TMEM71: variants seen among roughly 807,000 people sequenced by gnomAD.
TMEM71 encodes transmembrane protein 71.
TMEM71 carries 44 observed loss-of-function variants against 38.0 expected under a neutral mutation model. The observed-to-expected ratio is 1.16, with a 90% CI of 0.91 to 1.49. The LOEUF (loss-of-function observed/expected upper bound fraction) is 1.49, where lower values mean the gene tolerates loss of function less well. Ranked by LOEUF, TMEM71 falls within the 40% of genes most tolerant of loss-of-function variation. The pLI is 0.00. For missense variants in TMEM71, 367 were observed against 348.6 expected (o/e 1.05, Z -0.42); for synonymous variants, 133 against 122.5 (o/e 1.09, Z -0.56).
chr8:132,733,404 T>C (rs1827569622), intron 5 of TMEM71, among the ~76,000 whole-genome samples: 1 of 152,158 alleles, frequency 6.6e-6, no homozygotes, highest in Non-Finnish European at 1.5e-5. Flanking sequence ...AGTGGGTCAG[T>C]ATTTGCCACC....
At chr8:132,712,635 C>A (rs992981118) in intron 9 of TMEM71, among the ~76,000 whole-genome samples, 1 of 152,100 alleles carries the variant, frequency 6.6e-6, no homozygotes, top group Non-Finnish European at 1.5e-5. Flanking sequence ...CAGCCACATG[C>A]TGGGGCATTC....
intron 7 of TMEM71, among the ~76,000 whole-genome samples, chr8:132,715,092 T>C (rs1344330514): frequency 6.6e-6 from 1 of 151,894 alleles, no homozygotes; most frequent in African/African-American, 2.4e-5. Context: ...CAACAGAAAC[T>C]CTCATTCATT....
chr8:132,730,053 G>A (rs538009277), intron 5 of TMEM71, among the ~76,000 whole-genome samples: 1 of 152,118 alleles, frequency 6.6e-6, no homozygotes, highest in East Asian at 1.9e-4. Context: ...CCACCTCCTG[G>A]GTTCAGGCGA....
At chr8:132,737,225 A>G (rs920688323) in intron 5 of TMEM71, among the ~76,000 whole-genome samples, 1 of 152,208 alleles carries the variant, frequency 6.6e-6, no homozygotes, top group Non-Finnish European at 1.5e-5. Flanking sequence ...GCTGAATTGT[A>G]TACGTTAAGT....
At chr8:132,766,600 G>A in the TMEM71 span, among the ~76,000 whole-genome samples, 1 of 152,026 alleles carries the variant, frequency 6.6e-6, no homozygotes, top group Non-Finnish European at 1.5e-5. Context: ...AGGAGTTCAA[G>A]ACCAGCTTGG....
At chr8:132,714,244 C>A (rs1347062398) in intron 7 of TMEM71, 29 bp from the exon 8 acceptor site, 1 of 1,562,468 alleles carries the variant, frequency 6.4e-7, no homozygotes, top group Non-Finnish European at 8.8e-7. Context: ...TCTGATTTAG[C>A]ATACTAATTG....
the TMEM71 span, among the ~76,000 whole-genome samples, chr8:132,771,236 A>G: frequency 1.3e-5 from 2 of 152,202 alleles, no homozygotes; most frequent in Non-Finnish European, 2.9e-5. Flanking sequence ...GGAACTGTCC[A>G]GGATCCACCT....
At chr8:132,775,441 G>A in the TMEM71 span, 1 of 385,638 alleles carries the variant, frequency 2.6e-6, no homozygotes, top group East Asian at 3.8e-5. Flanking sequence ...AGCGGACCCT[G>A]AGCGAGCTTG....
chr8:132,775,301 C>A, the TMEM71 span: 2 of 337,746 alleles, frequency 5.9e-6, no homozygotes, highest in Admixed American at 4.8e-5. Context: ...GCGGCCCGGG[C>A]CCAACCCTCG....
At chr8:132,763,616 G>A (rs939830067), upstream of TMEM71, among the ~76,000 whole-genome samples, 2 of 152,074 alleles carry the variant, frequency 1.3e-5, no homozygotes, top group Admixed American at 1.3e-4. Context: ...AATGATACTC[G>A]GACTTGCTAC....
chr8:132,716,339 G>T (rs922016241), intron 7 of TMEM71, among the ~76,000 whole-genome samples: 5 of 152,218 alleles, frequency 3.3e-5, no homozygotes, highest in African/African-American at 1.2e-4. Context: ...CACCTTGCTT[G>T]TAAAGGCTCA....
At chr8:132,752,820 G>A (rs1329134638) in intron 3 of TMEM71, among the ~76,000 whole-genome samples, 1 of 130,576 alleles carries the variant, frequency 7.7e-6, no homozygotes, top group Non-Finnish European at 1.6e-5. Context: ...AGGAAGAAGG[G>A]AAGGAAGAAA....
intron 5 of TMEM71, among the ~76,000 whole-genome samples, chr8:132,734,681 G>GA (rs1243063075): frequency 6.6e-6 from 1 of 152,146 alleles, no homozygotes; most frequent in African/African-American, 2.4e-5. Context: ...TTTCATCTCT[G>GA]AAAAGACATG....
chr8:132,755,209 C>T (rs2131196771), intron 3 of TMEM71, among the ~76,000 whole-genome samples: 1 of 152,298 alleles, frequency 6.6e-6, no homozygotes, highest in South Asian at 2.1e-4. Flanking sequence ...AATCCCCTGG[C>T]ATCTTTCCTT....
intron 5 of TMEM71, among the ~76,000 whole-genome samples, chr8:132,742,135 G>A (rs1373880381): frequency 6.6e-6 from 1 of 152,072 alleles, no homozygotes; most frequent in Non-Finnish European, 1.5e-5. Context: ...TATAGAGCAA[G>A]GATTATTATA....
chr8:132,768,398 C>A, the TMEM71 span, among the ~76,000 whole-genome samples: 6 of 152,102 alleles, frequency 3.9e-5, no homozygotes, highest in African/African-American at 9.7e-5. Flanking sequence ...GTAATCCCAG[C>A]ACTTTGGGAG....
the TMEM71 span, among the ~76,000 whole-genome samples, chr8:132,775,008 A>C: frequency 6.6e-6 from 1 of 152,238 alleles, no homozygotes; most frequent in Admixed American, 6.5e-5. Flanking sequence ...ACCATGCTCT[A>C]TTCTTGATGT....
At chr8:132,750,171 G>C (rs1828624559) in intron 4 of TMEM71, among the ~76,000 whole-genome samples, 1 of 152,182 alleles carries the variant, frequency 6.6e-6, no homozygotes, top group African/African-American at 2.4e-5. Flanking sequence ...GTCAAGTCTA[G>C]AGAGACTCAC....
At chr8:132,736,581 G>A (rs1827759233) in intron 5 of TMEM71, among the ~76,000 whole-genome samples, 1 of 152,202 alleles carries the variant, frequency 6.6e-6, no homozygotes, top group South Asian at 2.1e-4. Flanking sequence ...TGTAATCCCA[G>A]TACATTGGGA....
Sources: gnomAD v4.1 joint callset for allele counts (sites outside exome capture counted in the v4.1 genomes callset) on GRCh38, gnomAD v4.1.1 for gene constraint, MANE v1.5 for transcripts, NCBI Gene and HGNC (gene_info 2026-07-23, HGNC 2026-07-21) for gene names.